ARID2: variants seen among roughly 807,000 people sequenced by gnomAD.
The protein encoded by ARID2 is AT-rich interaction domain 2.
Under a neutral mutation model 184.6 loss-of-function variants are expected in ARID2, and 32 were observed. The observed-to-expected ratio is 0.17, with a 90% CI of 0.13 to 0.23. ARID2 has a LOEUF of 0.23. ARID2 is among the 10% of genes least tolerant of loss of function. ARID2 has a pLI of 1.00. For synonymous variants in ARID2, 836 were observed against 772.6 expected (o/e 1.08, Z -1.36); for missense variants, 1,696 against 2,197.6 (o/e 0.77, Z 4.56).
In ARID2 at chr12:45,776,079, A is replaced by G. The variant is rs150894596; in HGVS notation, c.285-35339A>G. On this transcript the variant is annotated intron_variant, in intron 3 of 20. Coordinates refer to ENST00000334344, the MANE Select transcript of ARID2 (RefSeq NM_152641.4). ...TTTGACATGTTACAATTTTTATTTC[A>G]GGCAGTATACTTCATGAGACTCTAC... The G allele has an allele frequency of 8.7e-3, 1,464 of 168,948 alleles. 11 individuals carry two copies. Among genetic ancestry groups the G allele is most frequent in the Non-Finnish European group, 0.015 (1,043 of 68,304 alleles). 10.5% of individuals were successfully genotyped at this position (168,948 alleles called of 1,614,324 possible). A position where few individuals can be genotyped will look rare whatever the true frequency, so the allele number is the denominator to read the frequency against.
chr12:45,773,240 G>A (rs1941911513), intron 3 of ARID2, among the ~76,000 whole-genome samples: 2 of 152,020 alleles, frequency 1.3e-5, no homozygotes, highest in African/African-American at 4.8e-5. Flanking sequence ...ACTTATGGGT[G>A]CAGTTAAGGT....
intron 3 of ARID2, among the ~76,000 whole-genome samples, chr12:45,792,151 TCTTG>T (rs536485979): frequency 1.3e-5 from 2 of 152,244 alleles, no homozygotes; most frequent in Non-Finnish European, 2.9e-5. Context: ...TAATTTTCAT[TCTTG>T]CTTTTTAATA....
At chr12:45,858,627 T>A (rs992356095) in intron 15 of ARID2, among the ~76,000 whole-genome samples, 4 of 152,254 alleles carry the variant, frequency 2.6e-5, no homozygotes, top group Admixed American at 6.5e-5. Flanking sequence ...TGAGCTAGGC[T>A]TCTCATTTAT....
intron 3 of ARID2, among the ~76,000 whole-genome samples, chr12:45,745,317 A>G (rs571676104): frequency 1.3e-5 from 2 of 152,192 alleles, no homozygotes; most frequent in Non-Finnish European, 2.9e-5. Context: ...GATTTTAAGA[A>G]GATGGTCTAG....
intron 20 of ARID2, 140 bp downstream of exon 20, chr12:45,893,861 G>A (rs1341612843): frequency 1.3e-5 from 9 of 673,312 alleles, no homozygotes; most frequent in South Asian, 2.7e-5. Flanking sequence ...TTATGCCTAG[G>A]TCAGGCCATG....
intron 3 of ARID2, among the ~76,000 whole-genome samples, chr12:45,810,389 A>G (rs912069694): frequency 2.0e-5 from 3 of 152,326 alleles, no homozygotes; most frequent in South Asian, 2.1e-4. Context: ...GTCAAAATGT[A>G]TTAGGCATAG....
chr12:45,796,268 GTATCTAAAA>G (rs749553952), intron 3 of ARID2, among the ~76,000 whole-genome samples: 16 of 151,582 alleles, frequency 1.1e-4, no homozygotes, highest in Non-Finnish European at 1.6e-4. Flanking sequence ...TTTTTACATA[GTATCTAAAA>G]TATTTTTACA....
At position 45,846,914 on chromosome 12, in the gene ARID2, T is replaced by A. The variant is rs2138150598; in HGVS notation, c.1557T>A (p.Asp519Glu). The A allele has an allele frequency of 6.2e-7, 1 of 1,613,112 alleles. No individual in the cohort carries two copies. The highest frequency in any genetic ancestry group is 8.5e-7 in the Non-Finnish European group (1 of 1,179,326). ...CACCTCCAGGAATAGTGGAAATAGATAGTGAGAAGTTTGCTTGTCAGTGGT... is the reference window on the plus strand; with the variant it reads ...CACCTCCAGGAATAGTGGAAATAGAAAGTGAGAAGTTTGCTTGTCAGTGGT... ...VAPPPGIVEI[D>E]SEKFACQWLN... The change falls in exon 12 of 21, where the codon GAT (aspartate) becomes GAA (glutamate). Residue 519 changes from aspartate to glutamate, a missense_variant. Physicochemically the swap from Asp to Glu is conservative, Grantham distance 45 (BLOSUM62 2). Coordinates refer to ENST00000334344, the MANE Select transcript of ARID2 (RefSeq NM_152641.4).
chr12:45,778,514 G>A (rs1410685819), intron 3 of ARID2, among the ~76,000 whole-genome samples: 1 of 152,058 alleles, frequency 6.6e-6, no homozygotes, highest in Non-Finnish European at 1.5e-5. Context: ...AGTAATAAAA[G>A]ACTGCAGAGA....
chr12:45,809,764 G>A (rs763132923), intron 3 of ARID2, among the ~76,000 whole-genome samples: 4 of 152,156 alleles, frequency 2.6e-5, no homozygotes, highest in Non-Finnish European at 5.9e-5. Flanking sequence ...AATGGAAAGG[G>A]ACAGTTTAAT....
At chr12:45,795,309 A>G (rs993872708) in intron 3 of ARID2, among the ~76,000 whole-genome samples, 1 of 152,026 alleles carries the variant, frequency 6.6e-6, no homozygotes, top group African/African-American at 2.4e-5. Context: ...TGAGGTTGCT[A>G]CTTTCTGGCT....
At chr12:45,781,278 A>T (rs1942083634) in intron 3 of ARID2, among the ~76,000 whole-genome samples, 1 of 147,720 alleles carries the variant, frequency 6.8e-6, no homozygotes, top group East Asian at 2.0e-4. Flanking sequence ...GGTTTCAGTC[A>T]TCTCAAAGTT....
At chr12:45,753,597 T>A (rs1178613614) in intron 3 of ARID2, among the ~76,000 whole-genome samples, 1 of 152,162 alleles carries the variant, frequency 6.6e-6, no homozygotes, top group East Asian at 1.9e-4. Flanking sequence ...TAAAACATAA[T>A]CCAGGTTTCT....
chr12:45,887,600 T>C (rs1944216582), intron 16 of ARID2, among the ~76,000 whole-genome samples: 1 of 152,116 alleles, frequency 6.6e-6, no homozygotes, highest in Non-Finnish European at 1.5e-5. Flanking sequence ...CACATGGAAG[T>C]GTGAGGAGTG....
rs912200256 is a variant in ARID2 at position 45,771,279 on chromosome 12, G to A, written c.284+39965G>A. On this transcript the variant is annotated intron_variant, in intron 3 of 20. Coordinates refer to ENST00000334344, the MANE Select transcript of ARID2 (RefSeq NM_152641.4). ...AGGCTGAGGCAGGAGAATCGCTTGA[G>A]CCCGGGAGGCGGAGGTTGCAGTCAG... 9.9e-5 allele frequency among the ~76,000 whole-genome samples: 15 copies of A among 151,094 alleles called. No homozygotes were observed. In the South Asian group the frequency reaches 3.1e-3, roughly 31 times the overall value.
chr12:45,891,539 G>A (rs1445920070), intron 16 of ARID2, among the ~76,000 whole-genome samples: 1 of 152,146 alleles, frequency 6.6e-6, no homozygotes, highest in Non-Finnish European at 1.5e-5. Flanking sequence ...GTAGAGTATG[G>A]TATTTGTTTA....
intron 5 of ARID2, among the ~76,000 whole-genome samples, chr12:45,819,828 C>T (rs1942866664): frequency 6.6e-6 from 1 of 151,890 alleles, no homozygotes; most frequent in Admixed American, 6.6e-5. Context: ...ACTGCAACCT[C>T]CGCCTCCAAG....
chr12:45,822,819 A>C (rs1483363957), intron 6 of ARID2, among the ~76,000 whole-genome samples: 1 of 152,190 alleles, frequency 6.6e-6, no homozygotes, highest in East Asian at 1.9e-4. Flanking sequence ...TGGAGGCCCC[A>C]GATGTATAAA....
chr12:45,873,647 G>C (rs1943960803), intron 16 of ARID2, among the ~76,000 whole-genome samples: 1 of 152,162 alleles, frequency 6.6e-6, no homozygotes, highest in Non-Finnish European at 1.5e-5. Context: ...AATAAAGCAA[G>C]TCACATAAAT....
Sources: allele counts gnomAD v4.1 joint callset (sites outside exome capture counted in the v4.1 genomes callset), GRCh38; gene constraint gnomAD v4.1.1; transcripts MANE v1.5; gene names NCBI Gene and HGNC (gene_info 2026-07-23, HGNC 2026-07-21).